Variants in RBM19 observed in about 807,000 individuals in gnomAD.
RBM19 encodes probable RNA-binding protein 19.
RBM19 carries 94 observed loss-of-function variants against 116.8 expected under a neutral mutation model. The ratio of observed to expected loss-of-function variants is 0.80; its 90% CI spans 0.68 to 0.95. RBM19 has a LOEUF of 0.95. Ranked by LOEUF, RBM19 falls within the 40% of genes least tolerant of loss-of-function variation. The pLI, the probability that RBM19 is intolerant of heterozygous loss-of-function variation, is 0.00. For missense variants in RBM19, 1,161 were observed against 1,220.7 expected, an observed-to-expected ratio of 0.95 and a Z score of 0.73; for synonymous variants, 475 against 494.1, an observed-to-expected ratio of 0.96 and a Z score of 0.51.
At chr12:113,941,152 T>C (rs1870537761) in intron 14 of RBM19, among the ~76,000 whole-genome samples, 1 of 152,222 alleles carries the variant, frequency 6.6e-6, no homozygotes, top group Non-Finnish European at 1.5e-5. Context: ...TTTTCTCATC[T>C]GCAAAATGGG....
chr12:113,957,309 C>T (rs893044531), intron 6 of RBM19, among the ~76,000 whole-genome samples: 1 of 152,186 alleles, frequency 6.6e-6, no homozygotes, highest in African/African-American at 2.4e-5. Flanking sequence ...GGTGCAGTGG[C>T]TCATGCCTAT....
At position 113,837,246 on chromosome 12, in the gene RBM19, T is replaced by TACACACACACACACACACAC. The variant is rs34948952; in HGVS notation, c.2785+7402_2785+7421dup. 6.9e-3 allele frequency among the ~76,000 whole-genome samples: 869 copies of TACACACACACACACACACAC among 126,850 alleles called. 21 individuals are homozygous for TACACACACACACACACACAC. Among genetic ancestry groups the TACACACACACACACACACAC allele is most frequent in the Non-Finnish European group, 9.9e-3 (606 of 60,958 alleles). The allele number at this position is 126,850 out of a possible 152,430, so 83.2% of individuals were successfully genotyped here. ...CCAGGCTTATAACCCATCCTCCTAA[T>TACACACACACACACACACAC]ACACACACACACACACACACACACA... On this transcript the variant is annotated intron_variant, in intron 23 of 23. Coordinates refer to ENST00000261741, the MANE Select transcript of RBM19 (RefSeq NM_016196.4).
chr12:113,847,919 C>T (rs534505272), intron 22 of RBM19, among the ~76,000 whole-genome samples: 15 of 152,288 alleles, frequency 9.8e-5, no homozygotes, highest in African/African-American at 3.1e-4. Flanking sequence ...TCCTCTGACA[C>T]GTTATTGGCC....
rs1872860761 is a variant in RBM19, at chr12:113,966,251, A to T, written c.-24T>A. The T allele has an allele frequency of 2.5e-6, 4 of 1,614,016 alleles. No homozygotes were observed. Among genetic ancestry groups the T allele is most frequent in the Non-Finnish European group, 3.4e-6 (4 of 1,179,986 alleles). ...ATGGCGCAGGGTCCCCGCTGTTTTG[A>T]TTCCAACACGACTGGTCAGCGTCTT... On this transcript the variant is annotated 5_prime_UTR_variant, in exon 1 of 24. Coordinates refer to ENST00000261741, the MANE Select transcript of RBM19 (RefSeq NM_016196.4).
chr12:113,908,911 A>G (rs1416947782), intron 21 of RBM19, among the ~76,000 whole-genome samples: 1 of 152,244 alleles, frequency 6.6e-6, no homozygotes, highest in African/African-American at 2.4e-5. Context: ...ACCTGTGGAC[A>G]TGACAGTGAG....
At chr12:113,829,971 T>C (rs56940775) in intron 23 of RBM19, among the ~76,000 whole-genome samples, 12,647 of 152,254 alleles carry the variant, frequency 0.083, 924 homozygotes, top group African/African-American at 0.17. Context: ...CTCTGGACTT[T>C]CCTACAGAAA....
chr12:113,916,752 T>C (rs1238494172), intron 20 of RBM19, among the ~76,000 whole-genome samples: 2 of 152,146 alleles, frequency 1.3e-5, no homozygotes, highest in African/African-American at 4.8e-5. Flanking sequence ...TGTGAGTGTA[T>C]CATCTTAATG....
chr12:113,854,330 T>C (rs571085202), intron 22 of RBM19, among the ~76,000 whole-genome samples: 6 of 152,138 alleles, frequency 3.9e-5, no homozygotes, highest in Non-Finnish European at 8.8e-5. Flanking sequence ...CCAGGTCGTG[T>C]GGTCCCCTGG....
chr12:113,919,401 C>G (rs921231801), intron 19 of RBM19, among the ~76,000 whole-genome samples: 4 of 152,190 alleles, frequency 2.6e-5, no homozygotes, highest in South Asian at 2.1e-4. Flanking sequence ...GAAACCCCGT[C>G]TCTACTAAAA....
At chr12:113,901,278 A>G (rs1881667876) in intron 21 of RBM19, among the ~76,000 whole-genome samples, 1 of 152,148 alleles carries the variant, frequency 6.6e-6, no homozygotes, top group South Asian at 2.1e-4. Context: ...AAAAGTTGGG[A>G]TAATTTCTCT....
chr12:113,956,222 G>A (rs1156837636), intron 6 of RBM19, among the ~76,000 whole-genome samples: 2 of 152,140 alleles, frequency 1.3e-5, no homozygotes, highest in East Asian at 3.9e-4. Context: ...ATAAAAGGAG[G>A]GAGGAAGAAG....
chr12:113,952,757 T>C (rs754554391), intron 7 of RBM19, among the ~76,000 whole-genome samples, 167 bp from the exon 8 acceptor site: 4 of 152,196 alleles, frequency 2.6e-5, no homozygotes, highest in Non-Finnish European at 5.9e-5. Context: ...GGAGAAAATG[T>C]GAAAAAGAAA....
chr12:113,927,076 G>T lies in RBM19; in HGVS notation c.2222C>A (p.Thr741Lys). ...TLFIKNLNFD[T>K]TEEKLKEVFS... ...CACTTCCTTCAGCTTCTCTTCTGTT[G>T]TGTCAAAATTGAGATTCTTAATAAA... The change falls in exon 17 of 24, where the codon ACA becomes AAA. Residue 741 changes from threonine (T) to lysine (K), a missense_variant. Physicochemically the swap from Thr to Lys is moderately conservative, Grantham distance 78. Coordinates refer to ENST00000261741, the MANE Select transcript of RBM19 (RefSeq NM_016196.4). 2 of 1,613,534 alleles carry T rather than the reference G, an allele frequency of 1.2e-6. No individual in the cohort carries two copies. The highest frequency in any genetic ancestry group is 1.7e-6 in the Non-Finnish European group (2 of 1,179,980).
chr12:113,959,064 T>A (rs751401496), intron 5 of RBM19, 148 bp downstream of exon 5: 1 of 732,476 alleles, frequency 1.4e-6, no homozygotes, highest in African/African-American at 1.8e-5. Context: ...TGAAGACAGA[T>A]GCACCTGCAG....
At chr12:113,849,082 T>C (rs1461247754) in intron 22 of RBM19, among the ~76,000 whole-genome samples, 2 of 152,220 alleles carry the variant, frequency 1.3e-5, no homozygotes, top group Non-Finnish European at 2.9e-5. Context: ...ACGTTGTCTC[T>C]GGCCCCTTAC....
At position 113,927,207 on chromosome 12, in the gene RBM19, T is replaced by A; in HGVS notation, c.2091A>T (p.Glu697Asp). 1 of 1,564,946 alleles carries A rather than the reference T, an allele frequency of 6.4e-7. No individual in the cohort carries two copies. The highest frequency in any genetic ancestry group is 1.2e-5 in the South Asian group (1 of 85,516). ...CTCCTTCCTCTGTTGGATTTTCATC[T>A]TCTGGGGTTTCGCCATCAGGCACTG... ...PETVPDGETP[E>D]DENPTEEGAD... Residue 697 changes from glutamate (E) to aspartate (D), a missense_variant, in exon 17 of 24, where the codon GAA (glutamate) becomes GAT (aspartate). By Grantham distance (45) the Glu-to-Asp change is conservative. Coordinates refer to ENST00000261741, the MANE Select transcript of RBM19 (RefSeq NM_016196.4).
At chr12:113,948,447 G>A (rs143130397) in intron 10 of RBM19, among the ~76,000 whole-genome samples, 18 of 152,322 alleles carry the variant, frequency 1.2e-4, no homozygotes, top group East Asian at 3.9e-4. Flanking sequence ...GAGGAACGCC[G>A]TGTAGGTATA....
rs765692818 is a variant in RBM19, at chr12:113,945,894, C to T, written c.1560G>A (p.Gly520=). ...SSHNWNTLFM[G]PNAVADAIAQ... is the part of the protein sequence containing the mutation. Reference sequence around the variant, plus strand: ...CGATGGCATCGGCCACGGCATTCGGCCCCATGAATAGTGTGTTCCAGTTGT... The same window carrying T: ...CGATGGCATCGGCCACGGCATTCGGTCCCATGAATAGTGTGTTCCAGTTGT... Residue 520 remains glycine, a synonymous_variant, in exon 13 of 24, where the codon GGG becomes GGA. Transcript: ENST00000261741. The T allele has an allele frequency of 6.3e-6, 10 of 1,590,218 alleles. No individual in the cohort carries two copies. Among genetic ancestry groups the T allele is most frequent in the Admixed American group, 1.7e-5 (1 of 59,992 alleles).
chr12:113,907,114 G>A (rs979421688), intron 21 of RBM19, among the ~76,000 whole-genome samples: 10 of 151,726 alleles, frequency 6.6e-5, no homozygotes, highest in African/African-American at 2.4e-4. Flanking sequence ...GGAACTGTGA[G>A]AATACATGTC....
Sources: gnomAD v4.1 joint callset for allele counts (sites outside exome capture counted in the v4.1 genomes callset) on GRCh38, gnomAD v4.1.1 for gene constraint, MANE v1.5 for transcripts, NCBI Gene and HGNC (gene_info 2026-07-23, HGNC 2026-07-21) for gene names.